Variants in SMARCAD1 observed in about 807,000 individuals in gnomAD.
The protein encoded by SMARCAD1 is SWI/SNF-related matrix-associated actin-dependent regulator of chromatin subfamily A containing DEAD/H box 1.
Under a neutral mutation model 127.1 loss-of-function variants are expected in SMARCAD1, and 25 were observed. That is an observed-to-expected ratio of 0.20 (90% CI 0.14 to 0.27). The LOEUF (loss-of-function observed/expected upper bound fraction) is 0.27. SMARCAD1 is among the 10% of genes least tolerant of loss of function. SMARCAD1 has a pLI of 1.00. For missense variants in SMARCAD1, 807 were observed against 1,206.0 expected (o/e 0.67, Z 4.90); for synonymous variants, 400 against 396.9 (o/e 1.01, Z -0.09).
intron 3 of SMARCAD1, among the ~76,000 whole-genome samples, chr4:94,230,294 T>G (rs1745638235): frequency 6.6e-6 from 1 of 151,984 alleles, no homozygotes; most frequent in Admixed American, 6.6e-5. Flanking sequence ...TTTTTTTTTT[T>G]GTTTCTTACA....
In SMARCAD1 at chr4:94,271,082, G is replaced by A. The variant is rs988911216; in HGVS notation, c.1572+264G>A. 3.9e-5 allele frequency among the ~76,000 whole-genome samples: 6 copies of A among 152,046 alleles called. No individual in the cohort carries two copies. The East Asian group carries it at 5.8e-4, about 15-fold the overall frequency. On this transcript the variant is annotated intron_variant, in intron 11 of 23. Coordinates refer to ENST00000354268, the MANE Select transcript of SMARCAD1 (RefSeq NM_020159.5). The stretch of plus-strand genomic sequence containing the variant: ...ACATAAAAATACAAATTAAAAAATC[G>A]AAATCAAAGTCACCTGTAATTCTAC...
chr4:94,280,599 C>A lies in SMARCAD1; in HGVS notation c.2426C>A (p.Thr809Lys). 6.2e-7 allele frequency: 1 copy of A among 1,613,154 alleles called. No individual in the cohort carries two copies. Among genetic ancestry groups the A allele is most frequent in the Non-Finnish European group, 8.5e-7 (1 of 1,179,568 alleles). Residue 809 changes from threonine (T) to lysine (K), a missense_variant, in exon 20 of 24, where the codon ACA (threonine) becomes AAA (lysine). By Grantham distance (78) the Thr-to-Lys change is moderately conservative. Transcript: ENST00000354268. The stretch of plus-strand genomic sequence containing the variant: ...GTTTTGTTTTGTTTTAAGGAACCTA[C>A]ACATTGTGAGGCTAACCCTGACCTG... ...EMSQLMLKEPTHCEANPDLIF... is the reference protein window; with the variant it reads ...EMSQLMLKEPKHCEANPDLIF...
At chr4:94,264,451 T>A (rs1751449001) in intron 9 of SMARCAD1, 1 of 325,554 alleles carries the variant, frequency 3.1e-6, no homozygotes, top group Admixed American at 4.5e-5. Flanking sequence ...GTAACAAGTT[T>A]GGGATTATGC....
intron 10 of SMARCAD1, among the ~76,000 whole-genome samples, chr4:94,269,116 G>A (rs924390501): frequency 1.3e-5 from 2 of 152,148 alleles, no homozygotes; most frequent in Non-Finnish European, 2.9e-5. Context: ...ACTTTTAGTT[G>A]TATTAAATGG....
intron 2 of SMARCAD1, among the ~76,000 whole-genome samples, chr4:94,213,562 G>A (rs1431069961): frequency 6.6e-6 from 1 of 150,698 alleles, no homozygotes; most frequent in Admixed American, 6.6e-5. Flanking sequence ...TTTCATTATG[G>A]AAATGCTATT....
At chr4:94,226,339 A>G in intron 3 of SMARCAD1, 43 bp downstream of exon 3, 1 of 1,515,894 alleles carries the variant, frequency 6.6e-7, no homozygotes, top group Non-Finnish European at 9.0e-7. Context: ...TGTGTGTGAG[A>G]TTTTCCAAGA....
intron 2 of SMARCAD1, among the ~76,000 whole-genome samples, chr4:94,224,811 C>T (rs1029089700): frequency 1.3e-5 from 2 of 152,162 alleles, no homozygotes; most frequent in African/African-American, 4.8e-5. Flanking sequence ...TTATTTCTCT[C>T]TTTCATGGGG....
chr4:94,256,284 A>G (rs1259657630), intron 9 of SMARCAD1, among the ~76,000 whole-genome samples: 1 of 152,046 alleles, frequency 6.6e-6, no homozygotes, highest in Non-Finnish European at 1.5e-5. Flanking sequence ...CAAGCAACTC[A>G]GGTTTAGTCC....
In SMARCAD1 at chr4:94,245,659, C is replaced by G. The variant is rs114859467; in HGVS notation, c.706-3995C>G. 4.4e-3 allele frequency among the ~76,000 whole-genome samples: 677 copies of G among 152,280 alleles called. 6 individuals are homozygous for G. The highest frequency in any genetic ancestry group is 7.4e-3 in the Non-Finnish European group (503 of 68,016). On this transcript the variant is annotated intron_variant, in intron 6 of 23. Transcript: ENST00000354268. ...CAATAACTCGTAAGCTGTAACTCTT[C>G]CAATGTCCACAAGCAAACTTCAGCT... is the stretch of plus-strand genomic sequence containing the variant.
At chr4:94,283,369 A>G (rs929827844) in intron 22 of SMARCAD1, 66 bp downstream of exon 22, 69 of 1,501,044 alleles carry the variant, frequency 4.6e-5, no homozygotes, top group Non-Finnish European at 6.0e-5. Flanking sequence ...GACCATTAGA[A>G]TATAGTGTTG....
At chr4:94,255,922 A>C (rs1277460551) in intron 9 of SMARCAD1, among the ~76,000 whole-genome samples, 1 of 152,146 alleles carries the variant, frequency 6.6e-6, no homozygotes, top group South Asian at 2.1e-4. Context: ...TCATCATTAA[A>C]TCAAGTAGGG....
chr4:94,289,333 TA>T, intron 23 of SMARCAD1, 139 bp from the exon 24 acceptor site: 1 of 710,282 alleles, frequency 1.4e-6, no homozygotes. Flanking sequence ...GGAAAGTTTT[TA>T]ACAGGGGTGA....
intron 9 of SMARCAD1, among the ~76,000 whole-genome samples, chr4:94,259,998 G>A (rs1459650356): frequency 6.6e-6 from 1 of 152,122 alleles, no homozygotes; most frequent in Non-Finnish European, 1.5e-5. Flanking sequence ...AAGATTGCTT[G>A]ATAGGTCTTT....
chr4:94,276,562 T>C (rs1169096361), intron 15 of SMARCAD1, 88 bp downstream of exon 15: 1 of 1,477,852 alleles, frequency 6.8e-7, no homozygotes, highest in African/African-American at 1.4e-5. Context: ...GCAGAATCTG[T>C]ATTATGTAGT....
chr4:94,286,365 T>C (rs1754938822), intron 23 of SMARCAD1, among the ~76,000 whole-genome samples: 1 of 152,198 alleles, frequency 6.6e-6, no homozygotes, highest in African/African-American at 2.4e-5. Context: ...TGGCTGGCTC[T>C]CTTGGGCAAG....
In SMARCAD1 at chr4:94,211,600, A is replaced by G. The variant is rs553203279; in HGVS notation, c.190+3016A>G. Among the ~76,000 whole-genome samples the G allele has an allele frequency of 9.2e-5, 14 of 152,328 alleles. No homozygotes were observed. In the South Asian group the frequency reaches 2.1e-3, roughly 23 times the overall value. On this transcript the variant is annotated intron_variant, in intron 2 of 23. Coordinates refer to ENST00000354268, the MANE Select transcript of SMARCAD1 (RefSeq NM_020159.5). ...ACAGGACAGAAATTGTATGTAGTCA[A>G]AATTACCTGTAATCACTCTTTTTGA...
chr4:94,281,696 T>G, intron 21 of SMARCAD1, 106 bp downstream of exon 21: 2 of 787,150 alleles, frequency 2.5e-6, no homozygotes, highest in Non-Finnish European at 4.3e-6. Flanking sequence ...TTTTTATGTT[T>G]GATTACTTCA....
chr4:94,274,526 A>G (rs1752994814), intron 12 of SMARCAD1, among the ~76,000 whole-genome samples: 1 of 152,128 alleles, frequency 6.6e-6, no homozygotes, highest in Non-Finnish European at 1.5e-5. Context: ...CATGTTGGCC[A>G]GGCTGGTATC....
intron 9 of SMARCAD1, among the ~76,000 whole-genome samples, chr4:94,260,309 AATTC>A (rs2125937827): frequency 6.6e-6 from 1 of 152,176 alleles, no homozygotes; most frequent in South Asian, 2.1e-4. Context: ...CTGGATCCAT[AATTC>A]ATTAGCCATT....
Sources: gnomAD v4.1 joint callset for allele counts (sites outside exome capture counted in the v4.1 genomes callset) on GRCh38, gnomAD v4.1.1 for gene constraint, MANE v1.5 for transcripts, NCBI Gene and HGNC (gene_info 2026-07-23, HGNC 2026-07-21) for gene names.